Variants in TAFA2 observed in about 807,000 individuals in gnomAD.
TAFA2 encodes TAFA chemokine like family member 2.
Under a neutral mutation model 18.8 loss-of-function variants are expected in TAFA2, and 7 were observed. That is an observed-to-expected ratio of 0.37 (90% CI 0.21 to 0.70). The LOEUF (loss-of-function observed/expected upper bound fraction) is 0.70. Ranked by LOEUF, TAFA2 falls within the 30% of genes least tolerant of loss-of-function variation. TAFA2 has a pLI of 0.53. For missense variants in TAFA2, 122 were observed against 158.1 expected (o/e 0.77, Z 1.23); for synonymous variants, 60 against 54.2 (o/e 1.11, Z -0.47).
At position 62,024,363 on chromosome 12, in the gene TAFA2, C is replaced by T. The variant is rs551388540; in HGVS notation, c.-1-156937G>A. 7.2e-5 allele frequency among the ~76,000 whole-genome samples: 11 copies of T among 152,154 alleles called. No homozygotes were observed. In the East Asian group the frequency reaches 2.1e-3, roughly 29 times the overall value. On this transcript the variant is annotated intron_variant, in intron 1 of 4. Coordinates refer to ENST00000416284, the MANE Select transcript of TAFA2 (RefSeq NM_178539.5). ...GAGATATAGGTCCTATTGTTCATAC[C>T]TTCTTCTAAAATGATTTAGTGATAA...
At chr12:61,927,236 A>G (rs1415450176) in intron 1 of TAFA2, among the ~76,000 whole-genome samples, 2 of 152,194 alleles carry the variant, frequency 1.3e-5, no homozygotes, top group African/African-American at 2.4e-5. Context: ...CTCTGTTTGC[A>G]GATGACATGA....
At chr12:61,923,500 C>A (rs1877147217) in intron 1 of TAFA2, among the ~76,000 whole-genome samples, 1 of 152,176 alleles carries the variant, frequency 6.6e-6, no homozygotes, top group Non-Finnish European at 1.5e-5. Context: ...GCAGAGGTGC[C>A]TGACTGCTAG....
At chr12:62,071,914 A>C (rs1882640503) in intron 1 of TAFA2, among the ~76,000 whole-genome samples, 1 of 152,188 alleles carries the variant, frequency 6.6e-6, no homozygotes, top group Non-Finnish European at 1.5e-5. Context: ...GATGCCTAGA[A>C]CATTAGTTCT....
At chr12:62,092,291 C>A (rs376961558) in intron 1 of TAFA2, among the ~76,000 whole-genome samples, 1 of 151,954 alleles carries the variant, frequency 6.6e-6, no homozygotes, top group East Asian at 1.9e-4. Flanking sequence ...CTTCACCCCA[C>A]TCCCCCTGTA....
At chr12:61,970,299 T>C (rs1207328033) in intron 1 of TAFA2, among the ~76,000 whole-genome samples, 1 of 151,702 alleles carries the variant, frequency 6.6e-6, no homozygotes, top group Non-Finnish European at 1.5e-5. Context: ...TAAAATTTGT[T>C]AACAAGGATC....
chr12:62,106,076 T>G (rs1268584910), intron 1 of TAFA2, among the ~76,000 whole-genome samples: 1 of 152,120 alleles, frequency 6.6e-6, no homozygotes, highest in Admixed American at 6.5e-5. Flanking sequence ...CTCACGCCTG[T>G]AATCCCAGCA....
At chr12:61,711,892 T>C (rs1185812208) in intron 4 of TAFA2, among the ~76,000 whole-genome samples, 1 of 152,064 alleles carries the variant, frequency 6.6e-6, no homozygotes, top group East Asian at 1.9e-4. Context: ...ATCTTAGGCA[T>C]AGCATTGATC....
chr12:62,238,718 T>A (rs547937142), intron 1 of TAFA2, among the ~76,000 whole-genome samples: 10 of 152,350 alleles, frequency 6.6e-5, no homozygotes, highest in Admixed American at 4.6e-4. Context: ...ATAACTAGCA[T>A]TGTCTGAAAT....
At chr12:61,932,863 A>G (rs754909557) in intron 1 of TAFA2, among the ~76,000 whole-genome samples, 4 of 152,154 alleles carry the variant, frequency 2.6e-5, no homozygotes, top group African/African-American at 4.8e-5. Context: ...TTCCTGGCAG[A>G]GAGTTGATTC....
intron 2 of TAFA2, among the ~76,000 whole-genome samples, chr12:61,833,452 C>T (rs1429091787): frequency 6.6e-6 from 1 of 151,934 alleles, no homozygotes; most frequent in African/African-American, 2.4e-5. Flanking sequence ...GGTGTAAGAA[C>T]TCTCAGTTCT....
chr12:61,983,939 T>C (rs1307666385), intron 1 of TAFA2, among the ~76,000 whole-genome samples: 3 of 152,160 alleles, frequency 2.0e-5, no homozygotes, highest in East Asian at 3.9e-4. Flanking sequence ...ACTATCACCA[T>C]AGATCACATC....
intron 2 of TAFA2, chr12:61,776,175 G>A: frequency 3.1e-6 from 1 of 318,488 alleles, no homozygotes; most frequent in Non-Finnish European, 6.1e-6. Flanking sequence ...CATGATTCTT[G>A]CCAAAAGAAT....
chr12:61,792,142 A>G (rs1871007421), intron 2 of TAFA2, among the ~76,000 whole-genome samples: 1 of 151,690 alleles, frequency 6.6e-6, no homozygotes, highest in Non-Finnish European at 1.5e-5. Flanking sequence ...AATCTCACTC[A>G]TATATGGAAC....
intron 1 of TAFA2, among the ~76,000 whole-genome samples, chr12:62,245,499 A>G (rs948503428): frequency 6.6e-6 from 1 of 151,532 alleles, no homozygotes; most frequent in Non-Finnish European, 1.5e-5. Context: ...TTTTCCTCTT[A>G]TCTCACAATT....
intron 1 of TAFA2, among the ~76,000 whole-genome samples, chr12:61,893,662 A>G (rs912566101): frequency 1.4e-4 from 22 of 152,222 alleles, no homozygotes; most frequent in African/African-American, 5.3e-4. Flanking sequence ...TTGGTTTCAA[A>G]TTTAATAAAC....
At chr12:61,861,245 C>A (rs1275585558) in intron 2 of TAFA2, among the ~76,000 whole-genome samples, 1 of 148,612 alleles carries the variant, frequency 6.7e-6, no homozygotes, top group Non-Finnish European at 1.5e-5. Flanking sequence ...GGCCACTGTG[C>A]CTGGCCTCGC....
intron 4 of TAFA2, among the ~76,000 whole-genome samples, chr12:61,727,616 T>A (rs1470216533): frequency 6.6e-6 from 1 of 152,050 alleles, no homozygotes; most frequent in Non-Finnish European, 1.5e-5. Context: ...TTTTCTTTTG[T>A]TGGTTAATCT....
At chr12:61,805,950 C>T (rs1260538285) in intron 2 of TAFA2, among the ~76,000 whole-genome samples, 1 of 152,058 alleles carries the variant, frequency 6.6e-6, no homozygotes, top group South Asian at 2.1e-4. Context: ...ACAAACATAT[C>T]TCACCTTAGT....
At chr12:61,876,095 T>G (rs1279241033) in intron 1 of TAFA2, among the ~76,000 whole-genome samples, 1 of 152,206 alleles carries the variant, frequency 6.6e-6, no homozygotes, top group African/African-American at 2.4e-5. Flanking sequence ...AAACATTTTC[T>G]TTCTTTTTTA....
Sources: allele counts gnomAD v4.1 joint callset (sites outside exome capture counted in the v4.1 genomes callset), GRCh38; gene constraint gnomAD v4.1.1; transcripts MANE v1.5; gene names NCBI Gene and HGNC (gene_info 2026-07-23, HGNC 2026-07-21).